TRAP1: variants seen among roughly 807,000 people sequenced by gnomAD.
TRAP1 encodes heat shock protein 75 kDa, mitochondrial.
Under a neutral mutation model 89.1 loss-of-function variants are expected in TRAP1, and 102 were observed. That is an observed-to-expected ratio of 1.15 (90% CI 0.98 to 1.35). The LOEUF is 1.35. TRAP1 is among the 40% of genes most tolerant of loss of function. TRAP1 has a pLI of 0.00. For missense variants in TRAP1, 1,256 were observed against 945.3 expected (o/e 1.33, Z -4.31); for synonymous variants, 508 against 388.0 (o/e 1.31, Z -3.64).
At chr16:3,705,787 C>G (rs927843295) in intron 1 of TRAP1, among the ~76,000 whole-genome samples, 1 of 152,058 alleles carries the variant, frequency 6.6e-6, no homozygotes, top group Admixed American at 6.6e-5. Flanking sequence ...TCAAGTGATT[C>G]TCCTGCCTCA....
At chr16:3,660,130 C>T (rs1445670919) in intron 16 of TRAP1, 1 of 152,140 alleles carries the variant, frequency 6.6e-6, no homozygotes, top group East Asian at 1.9e-4. Context: ...CCTAGTTACC[C>T]TAAGGGAGAA....
intron 11 of TRAP1, among the ~76,000 whole-genome samples, chr16:3,667,889 G>C (rs1470033619): frequency 7.0e-6 from 1 of 142,016 alleles, no homozygotes; most frequent in Non-Finnish European, 1.5e-5. Context: ...CTCCCAAGTA[G>C]CTGGGATTAC....
intron 7 of TRAP1, among the ~76,000 whole-genome samples, chr16:3,675,668 G>C (rs998780547): frequency 6.6e-6 from 1 of 152,202 alleles, no homozygotes; most frequent in Non-Finnish European, 1.5e-5. Flanking sequence ...ATGGCTTTCT[G>C]GGCTGACTCC....
chr16:3,717,304 C>T (rs1005120689), intron 1 of TRAP1, 117 bp downstream of exon 1: 7 of 380,078 alleles, frequency 1.8e-5, no homozygotes, highest in African/African-American at 1.3e-4. Flanking sequence ...TTGGCCTCGC[C>T]GGACCTCCCA....
chr16:3,677,725 G>T, intron 5 of TRAP1, 67 bp from the exon 6 acceptor site: 1 of 1,550,908 alleles, frequency 6.4e-7, no homozygotes, highest in Non-Finnish European at 8.7e-7. Flanking sequence ...CAACACCGTG[G>T]CTCTTCTGCG....
intron 8 of TRAP1, 71 bp from the exon 9 acceptor site, chr16:3,674,565 G>A (rs1482874227): frequency 9.6e-6 from 15 of 1,561,864 alleles, no homozygotes; most frequent in Non-Finnish European, 1.2e-5. Flanking sequence ...GTGCAGGCCT[G>A]AGCCAGTGCA....
intron 8 of TRAP1, 168 bp from the exon 9 acceptor site, chr16:3,674,662 G>A (rs2050963712): frequency 1.4e-5 from 11 of 761,364 alleles, no homozygotes; most frequent in Middle Eastern, 3.8e-4. Flanking sequence ...GGGCTATGCC[G>A]GGTAGTGCAG....
At chr16:3,671,637 G>T in intron 11 of TRAP1, 85 bp downstream of exon 11, 1 of 1,460,338 alleles carries the variant, frequency 6.8e-7, no homozygotes, top group Non-Finnish European at 9.4e-7. Flanking sequence ...AGCTCCATGG[G>T]CCACGGCTAG....
chr16:3,674,854 G>T (rs1011951741), intron 8 of TRAP1: 13 of 358,956 alleles, frequency 3.6e-5, no homozygotes, highest in Non-Finnish European at 4.7e-5. Flanking sequence ...CCGCGAGGGG[G>T]AAGTCAGTCA....
rs372193948 is a variant in TRAP1 at position 3,671,847 on chromosome 16, C to T, written c.1166-56G>A. 142 of 1,566,308 alleles carry T rather than the reference C, an allele frequency of 9.1e-5. 1 individual carries two copies. In the African/African-American group the frequency reaches 1.5e-3, roughly 17 times the overall value. On this transcript the variant is annotated intron_variant, in intron 10 of 17. Coordinates refer to ENST00000246957, the MANE Select transcript of TRAP1 (RefSeq NM_016292.3). ...GGCTGCGGCCCTCCACACCACCCAA[C>T]ATTCCCCATTAACCTGCCCTTTGTC...
intron 1 of TRAP1, among the ~76,000 whole-genome samples, chr16:3,693,095 G>A (rs1316146796): frequency 6.6e-6 from 1 of 152,154 alleles, no homozygotes; most frequent in African/African-American, 2.4e-5. Context: ...TGGGACTACA[G>A]GCACCAGCCA....
chr16:3,704,103 G>C (rs1024427181), intron 1 of TRAP1: 3 of 152,196 alleles, frequency 2.0e-5, no homozygotes, highest in African/African-American at 7.2e-5. Flanking sequence ...CCAGCACTTT[G>C]AGAAGCCAAG....
intron 7 of TRAP1, 84 bp from the exon 8 acceptor site, chr16:3,675,481 A>T: frequency 7.2e-7 from 1 of 1,380,084 alleles, no homozygotes; most frequent in South Asian, 1.2e-5. Context: ...GATGAGCGCC[A>T]GCCTGCTGGG....
intron 1 of TRAP1, among the ~76,000 whole-genome samples, chr16:3,712,285 CAAAAAAAAAAA>C (rs764259574): frequency 5.6e-4 from 18 of 32,080 alleles, no homozygotes; most frequent in South Asian, 3.5e-3. Context: ...GAATCTGTCT[CAAAAAAAAAAA>C]AAAAAAAAAA....
chr16:3,685,071 C>T (rs2051120988), intron 4 of TRAP1, among the ~76,000 whole-genome samples: 1 of 152,228 alleles, frequency 6.6e-6, no homozygotes, highest in South Asian at 2.1e-4. Context: ...TGCCCCAGCA[C>T]ATCCATTTTC....
intron 5 of TRAP1, 156 bp from the exon 6 acceptor site, chr16:3,677,814 G>T: frequency 1.2e-6 from 1 of 830,866 alleles, no homozygotes; most frequent in Non-Finnish European, 1.8e-6. Context: ...GAAGAGCTAA[G>T]TCACAGAGAG....
intron 9 of TRAP1, 45 bp from the exon 10 acceptor site, chr16:3,672,865 C>T: frequency 6.3e-7 from 1 of 1,578,522 alleles, no homozygotes; most frequent in South Asian, 1.2e-5. Context: ...TGACCCTCCC[C>T]AGGCAGGCCC....
intron 1 of TRAP1, among the ~76,000 whole-genome samples, chr16:3,704,964 A>G (rs2151280700): frequency 6.6e-6 from 1 of 152,342 alleles, no homozygotes; most frequent in East Asian, 1.9e-4. Context: ...AGATTTAGTA[A>G]CTTTATTGAG....
chr16:3,713,249 C>CT (rs2051555107), intron 1 of TRAP1, among the ~76,000 whole-genome samples: 1 of 152,172 alleles, frequency 6.6e-6, no homozygotes, highest in Non-Finnish European at 1.5e-5. Context: ...ACAGCACAGG[C>CT]TCCAAACAAA....
Sources: gnomAD v4.1 joint callset for allele counts (sites outside exome capture counted in the v4.1 genomes callset) on GRCh38, gnomAD v4.1.1 for gene constraint, MANE v1.5 for transcripts, NCBI Gene and HGNC (gene_info 2026-07-23, HGNC 2026-07-21) for gene names.